Variants in MYL3 observed in about 807,000 individuals in gnomAD.
The protein encoded by MYL3 is CMLC1.
A neutral mutation model predicts 21.3 loss-of-function variants in MYL3; 11 were observed. The observed-to-expected ratio is 0.52, with a 90% CI of 0.32 to 0.85. The LOEUF (loss-of-function observed/expected upper bound fraction) is 0.85, where lower values mean the gene tolerates loss of function less well. MYL3 is among the 40% of genes least tolerant of loss of function. MYL3 has a pLI of 0.03. For synonymous variants in MYL3, 88 were observed against 91.6 expected (o/e 0.96, Z 0.22); for missense variants, 206 against 253.3 (o/e 0.81, Z 1.27).
intron 1 of MYL3, among the ~76,000 whole-genome samples, chr3:46,869,698 G>A (rs914745136): frequency 8.5e-5 from 13 of 152,214 alleles, no homozygotes; most frequent in African/African-American, 2.2e-4. Flanking sequence ...GCATGTCTGC[G>A]TGCTCCTGGC....
Position 46,863,299 on chromosome 3 carries a change from C to A in MYL3, c.92G>T (p.Arg31Leu). 1 of 1,614,100 alleles carries A rather than the reference C, an allele frequency of 6.2e-7. No homozygotes were observed. Residue 31 changes from arginine to leucine, a missense_variant, in exon 1 of 7, where the codon CGC (arginine) becomes CTC (leucine). By Grantham distance (102) the Arg-to-Leu change is moderately radical. Transcript: ENST00000292327. ...AGCATCAAACTCGACCTCCTTAGGG[C>A]GCTCAGGCTCAGGGGGAGGTGCGGG... Reference protein sequence around the residue: ...PAPAPPPEPERPKEVEFDASK... With the variant: ...PAPAPPPEPELPKEVEFDASK...
At chr3:46,870,353 G>A (rs1185311379) in intron 1 of MYL3, among the ~76,000 whole-genome samples, 3 of 152,102 alleles carry the variant, frequency 2.0e-5, no homozygotes, top group Non-Finnish European at 4.4e-5. Context: ...GCCGAGGACA[G>A]GGACAACAGT....
chr3:46,866,371 C>G (rs1324700923), upstream of MYL3: 1 of 152,328 alleles, frequency 6.6e-6, no homozygotes, highest in Admixed American at 6.5e-5. Flanking sequence ...TCCCAGAGCC[C>G]TCTCAGGCAG....
chr3:46,869,839 C>T lies in MYL3; in HGVS notation c.-217-3239G>A, dbSNP rs189062436. The stretch of plus-strand genomic sequence containing the variant: ...GTAAATTTAGCAGGAGAAAAAAAAA[C>T]CCGTCAGTCAGACGAGGAGTCTGAA... On this transcript the variant is annotated intron_variant, in intron 1 of 3. Transcript: ENST00000431168. Among the ~76,000 whole-genome samples the T allele has an allele frequency of 2.0e-5, 3 of 152,196 alleles. No homozygotes were observed. In the East Asian group the frequency reaches 5.8e-4, roughly 29 times the overall value.
intron 6 of MYL3, 49 bp downstream of exon 6, chr3:46,858,182 G>T: frequency 3.1e-6 from 5 of 1,590,148 alleles, no homozygotes; most frequent in Non-Finnish European, 4.3e-6. Context: ...GCAGCTGGTG[G>T]AGTGTGGGCA....
chr3:46,868,612 C>T (rs1484377452), intron 1 of MYL3, among the ~76,000 whole-genome samples: 6 of 152,132 alleles, frequency 3.9e-5, no homozygotes, highest in Admixed American at 6.5e-5. Context: ...TGGCCACGGC[C>T]GCTATATTTG....
At chr3:46,873,657 T>C (rs972384501) in intron 1 of MYL3, among the ~76,000 whole-genome samples, 2 of 152,210 alleles carry the variant, frequency 1.3e-5, no homozygotes, top group African/African-American at 4.8e-5. Flanking sequence ...GAGAGGGTGC[T>C]GCTGTGAGGA....
chr3:46,875,820 G>A (rs1416673311), intron 1 of MYL3, among the ~76,000 whole-genome samples: 2 of 152,222 alleles, frequency 1.3e-5, no homozygotes, highest in East Asian at 3.9e-4. Flanking sequence ...GAGCCCCAAA[G>A]GGTTTATGGG....
At chr3:46,862,128 A>G (rs2106912591) in intron 1 of MYL3, among the ~76,000 whole-genome samples, 1 of 152,298 alleles carries the variant, frequency 6.6e-6, no homozygotes, top group East Asian at 1.9e-4. Flanking sequence ...CCCACCTCTC[A>G]GAAGGAAGTC....
chr3:46,859,601 G>A lies in MYL3; in HGVS notation c.355C>T (p.Gln119Ter). The change falls in exon 4 of 7, where the codon CAG (glutamine) becomes TAG (stop). Residue 119 changes from glutamine (Q) to a stop codon, truncating the protein, a stop_gained. Coordinates refer to ENST00000292327, the MANE Select transcript of MYL3 (RefSeq NM_000258.3). LOFTEE classifies it high-confidence loss of function. The surrounding 1 kb of genome is among the most constrained non-coding windows in gnomAD (Gnocchi z 4.1). ...GTGTCCTTGTTCTTGGAAATGTGCT[G>A]GAGCATAGGCAGGAAAGTTTCAAAG... ...MDFETFLPML[Q>*]HISKNKDTGT... The A allele has an allele frequency of 6.2e-7, 1 of 1,614,200 alleles. No homozygotes were observed. The highest frequency in any genetic ancestry group is 8.5e-7 in the Non-Finnish European group (1 of 1,180,042).
rs564051142 is a variant in MYL3 at position 46,863,118 on chromosome 3, C to G, written c.129+144G>C. The G allele has an allele frequency of 1.5e-4, 182 of 1,238,998 alleles. No homozygotes were observed. In the African/African-American group the frequency reaches 2.4e-3, roughly 16 times the overall value. 76.8% of individuals were successfully genotyped at this position (1,238,998 alleles called of 1,614,324 possible). On this transcript the variant is annotated intron_variant, in intron 1 of 6. Transcript: ENST00000292327. Reference sequence around the variant, plus strand: ...CAGCCCTTCTGATGCCTGAAGCAGTCAGGGCTTGTCTGACCTCTGCACAGA... The same window carrying G: ...CAGCCCTTCTGATGCCTGAAGCAGTGAGGGCTTGTCTGACCTCTGCACAGA...
chr3:46,870,109 T>G (rs2106922133), intron 1 of MYL3, among the ~76,000 whole-genome samples: 1 of 152,156 alleles, frequency 6.6e-6, no homozygotes, highest in Non-Finnish European at 1.5e-5. Flanking sequence ...GGGACAAATG[T>G]TGCCCCAGGA....
At chr3:46,880,775 C>CAGA (rs10662038) in intron 1 of MYL3, among the ~76,000 whole-genome samples, 28,074 of 151,850 alleles carry the variant, frequency 0.18, 6,030 homozygotes, top group African/African-American at 0.52. Context: ...AAAGTAGCAG[C>CAGA]AGAAGAAATA....
At chr3:46,869,699 T>G (rs1702088642) in intron 1 of MYL3, among the ~76,000 whole-genome samples, 1 of 152,234 alleles carries the variant, frequency 6.6e-6, no homozygotes. Flanking sequence ...CATGTCTGCG[T>G]GCTCCTGGCT....
rs914537890 is a variant in MYL3 at position 46,874,736 on chromosome 3, C to A, written c.-218+7338G>T. ...GTATTCCGAGGCACAGACCCCCCCC[C>A]ACACACACAATAGGGACGCACTAGG... On this transcript the variant is annotated intron_variant, in intron 1 of 3. Transcript: ENST00000431168. The surrounding 1 kb of genome is among the most constrained non-coding windows in gnomAD (Gnocchi z 4.1). 1.4e-5 allele frequency among the ~76,000 whole-genome samples: 2 copies of A among 147,468 alleles called. No individual in the cohort carries two copies. Among genetic ancestry groups the A allele is most frequent in the African/African-American group, 5.4e-5 (2 of 37,234 alleles).
chr3:46,859,768 GTTCT>G lies in MYL3; in HGVS notation c.308-124_308-121del. On this transcript the variant is annotated intron_variant, in intron 3 of 6. Transcript: ENST00000292327. The surrounding 1 kb of genome is among the most constrained non-coding windows in gnomAD (Gnocchi z 4.1). Reference sequence around the variant, plus strand: ...CACAGTTCTACAACAGTCTACACCAGTTCTCACAGCAGTCTACACCAGTTTGCCA... The same window carrying G: ...CACAGTTCTACAACAGTCTACACCAGCACAGCAGTCTACACCAGTTTGCCA... 1 of 1,190,356 alleles carries G rather than the reference GTTCT, an allele frequency of 8.4e-7. No individual in the cohort carries two copies. The highest frequency in any genetic ancestry group is 1.2e-5 in the South Asian group (1 of 81,144). The allele number at this position is 1,190,356 out of a possible 1,614,324, so 73.7% of individuals were successfully genotyped here. A position where few individuals can be genotyped will look rare whatever the true frequency, so the allele number is the denominator to read the frequency against.
chr3:46,859,007 T>C lies in MYL3; in HGVS notation c.481+468A>G, dbSNP rs1701962069. Among the ~76,000 whole-genome samples, 1 of 151,816 alleles carries C rather than the reference T, an allele frequency of 6.6e-6. No individual in the cohort carries two copies. The highest frequency in any genetic ancestry group is 2.4e-5 in the African/African-American group (1 of 41,304). ...GGAGCTGAAACAGTAGACACTCAAA[T>C]GTTTGCTGCAGGAAAAAATCACTTT... On this transcript the variant is annotated intron_variant, in intron 4 of 6. Transcript: ENST00000292327. This position sits in a 1 kb window ranked among gnomAD's most constrained non-coding sequence, Gnocchi z 4.1.
intron 1 of MYL3, among the ~76,000 whole-genome samples, chr3:46,872,442 A>ACCCCCCCCCCCCCCCCCC (rs200592186): frequency 7.3e-6 from 1 of 137,416 alleles, no homozygotes; most frequent in Non-Finnish European, 1.6e-5. Flanking sequence ...GGGCCCCAAG[A>ACCCCCCCCCCCCCCCCCC]CCCCCCCCCT....
intron 1 of MYL3, among the ~76,000 whole-genome samples, chr3:46,878,981 C>T (rs1399611713): frequency 6.6e-6 from 1 of 152,200 alleles, no homozygotes; most frequent in African/African-American, 2.4e-5. Context: ...GACTCTGAGC[C>T]CCTGGGGCGT....
Sources: allele counts gnomAD v4.1 joint callset (sites outside exome capture counted in the v4.1 genomes callset), GRCh38; gene constraint gnomAD v4.1.1; non-coding constraint Gnocchi (gnomAD v3.1); transcripts MANE v1.5; gene names NCBI Gene and HGNC (gene_info 2026-07-23, HGNC 2026-07-21).